CDH22: variants seen among roughly 807,000 people sequenced by gnomAD.
CDH22 encodes cadherin 22, also known as cadherin-22.
CDH22 carries 30 observed loss-of-function variants against 58.4 expected under a neutral mutation model. The ratio of observed to expected loss-of-function variants is 0.51; its 90% CI spans 0.38 to 0.70. The LOEUF (loss-of-function observed/expected upper bound fraction) is 0.70. CDH22 is among the 30% of genes least tolerant of loss of function. The pLI is 0.00. For synonymous variants in CDH22, 513 were observed against 558.2 expected (o/e 0.92, Z 1.14); for missense variants, 1,014 against 1,233.9 (o/e 0.82, Z 2.67).
intron 1 of CDH22, among the ~76,000 whole-genome samples, chr20:46,307,422 A>G (rs948670117): frequency 5.9e-5 from 9 of 152,056 alleles, no homozygotes; most frequent in African/African-American, 2.2e-4. Context: ...CTTCACAGTA[A>G]ACGCCGCGGC....
chr20:46,215,275 C>G (rs528617249), intron 5 of CDH22, among the ~76,000 whole-genome samples: 1 of 152,184 alleles, frequency 6.6e-6, no homozygotes, highest in African/African-American at 2.4e-5. Flanking sequence ...TGTCCACCAC[C>G]CCCAGAATAG....
intron 1 of CDH22, among the ~76,000 whole-genome samples, chr20:46,306,407 G>A (rs1237768343): frequency 6.6e-6 from 1 of 152,390 alleles, no homozygotes; most frequent in Admixed American, 6.5e-5. Context: ...AATAGGGAAA[G>A]GGGTTGTCTC....
chr20:46,297,565 G>T (rs905612205), intron 1 of CDH22, among the ~76,000 whole-genome samples: 9 of 151,654 alleles, frequency 5.9e-5, no homozygotes, highest in South Asian at 4.2e-4. Context: ...AGAGACGGGC[G>T]CTCTGTGGGA....
At chr20:46,249,627 C>G (rs3091897) in intron 2 of CDH22, among the ~76,000 whole-genome samples, 60,128 of 151,982 alleles carry the variant, frequency 0.4, 12,175 homozygotes, top group Middle Eastern at 0.64. Flanking sequence ...CCGGTTCCCA[C>G]ACTCATTTAA....
In CDH22 at chr20:46,243,404, C is replaced by T. The variant is rs369757695; in HGVS notation, c.256-2147G>A. Among the ~76,000 whole-genome samples, 49 of 152,178 alleles carry T rather than the reference C, an allele frequency of 3.2e-4. 1 individual carries two copies. Among genetic ancestry groups the T allele is most frequent in the Non-Finnish European group, 5.9e-5 (4 of 68,034 alleles). On this transcript the variant is annotated intron_variant, in intron 2 of 11. Coordinates refer to ENST00000537909, the MANE Select transcript of CDH22 (RefSeq NM_021248.3). ...AGAAATTGCGGGGACTAAATGGAGG[C>T]GTCTGGTGGAAACTTTCCGGGTCCC...
In CDH22 at chr20:46,251,403, G is replaced by A; in HGVS notation, c.-109C>T. The stretch of plus-strand genomic sequence containing the variant: ...CCGTGTCACATGGTGGCCTCAGCGC[G>A]GCCGCCGGGATGTCGCCCCCGACGG... On this transcript the variant is annotated 5_prime_UTR_variant, in exon 2 of 12. Coordinates refer to ENST00000537909, the MANE Select transcript of CDH22 (RefSeq NM_021248.3). This position sits in a 1 kb window ranked among gnomAD's most constrained non-coding sequence, Gnocchi z 6.7. The A allele has an allele frequency of 1.6e-6, 2 of 1,262,658 alleles. No individual in the cohort carries two copies. Among genetic ancestry groups the A allele is most frequent in the South Asian group, 2.1e-5 (1 of 46,948 alleles). 78.2% of individuals were successfully genotyped at this position (1,262,658 alleles called of 1,614,324 possible).
At position 46,174,489 on chromosome 20, in the gene CDH22, G is replaced by A. The variant is rs745508542; in HGVS notation, c.*17C>T. Reference sequence around the variant, plus strand: ...CTGGGCGGGTGAGCAGCCGCGCCCCGACGGCAGGGCGAGGGGCTAGGAGGC... The same window carrying A: ...CTGGGCGGGTGAGCAGCCGCGCCCCAACGGCAGGGCGAGGGGCTAGGAGGC... On this transcript the variant is annotated 3_prime_UTR_variant, in exon 12 of 12. Coordinates refer to ENST00000537909, the MANE Select transcript of CDH22 (RefSeq NM_021248.3). This position sits in a 1 kb window ranked among gnomAD's most constrained non-coding sequence, Gnocchi z 4.4. 2.1e-6 allele frequency: 3 copies of A among 1,454,326 alleles called. No homozygotes were observed. The South Asian group carries it at 4.0e-5, about 20-fold the overall frequency. 90.1% of individuals were successfully genotyped at this position (1,454,326 alleles called of 1,614,324 possible).
intron 4 of CDH22, among the ~76,000 whole-genome samples, chr20:46,223,335 A>T (rs1316782096): frequency 6.6e-6 from 1 of 151,982 alleles, no homozygotes; most frequent in Non-Finnish European, 1.5e-5. Flanking sequence ...CCCAAGACTC[A>T]GTCTTGGCCC....
chr20:46,210,695 C>G lies in CDH22; in HGVS notation c.1033-135G>C. The G allele has an allele frequency of 3.7e-6, 3 of 810,864 alleles. No homozygotes were observed. The highest frequency in any genetic ancestry group is 3.5e-6 in the Non-Finnish European group (2 of 571,686). 50.2% of individuals were successfully genotyped at this position (810,864 alleles called of 1,614,324 possible). A position where few individuals can be genotyped will look rare whatever the true frequency, so the allele number is the denominator to read the frequency against. ...AGCAGGGGCGGCAGGGATGTTTGGG[C>G]TGCATTGCAGAACTGACCCAGACCA... On this transcript the variant is annotated intron_variant, in intron 6 of 11. Coordinates refer to ENST00000537909, the MANE Select transcript of CDH22 (RefSeq NM_021248.3). This position sits in a 1 kb window ranked among gnomAD's most constrained non-coding sequence, Gnocchi z 4.5.
rs749218264 is a variant in CDH22 at position 46,199,564 on chromosome 20, G to A, written c.1287-5C>T. The A allele has an allele frequency of 3.1e-6, 5 of 1,612,858 alleles. No individual in the cohort carries two copies. In the Admixed American group the frequency reaches 8.3e-5, roughly 27 times the overall value. On this transcript the variant is annotated splice_region_variant and splice_polypyrimidine_tract_variant and intron_variant, in intron 7 of 11. Coordinates refer to ENST00000537909, the MANE Select transcript of CDH22 (RefSeq NM_021248.3). ...GATTCGCGGTCAATGGCGTACCTGC[G>A]GGGGGCAGGGCAGGGCTGATTGAAG...
chr20:46,302,872 T>G (rs1335031174), intron 1 of CDH22, among the ~76,000 whole-genome samples: 2 of 152,118 alleles, frequency 1.3e-5, no homozygotes, highest in African/African-American at 4.8e-5. Context: ...TGGGAACTCC[T>G]TCTCTCCCCC....
At chr20:46,228,754 A>G (rs1204553375) in intron 3 of CDH22, among the ~76,000 whole-genome samples, 1 of 152,136 alleles carries the variant, frequency 6.6e-6, no homozygotes, top group African/African-American at 2.4e-5. Flanking sequence ...TGGTGGGGCC[A>G]GGCAGGCCCC....
chr20:46,233,253 C>A lies in CDH22; in HGVS notation c.551-5626G>T, dbSNP rs541530452. Reference sequence around the variant, plus strand: ...AACGTGAAACACCCTCCCCTCCTCACCTTTTCTTTCCTTATGGATCCCGGC... The same window carrying A: ...AACGTGAAACACCCTCCCCTCCTCAACTTTTCTTTCCTTATGGATCCCGGC... On this transcript the variant is annotated intron_variant, in intron 3 of 11. Transcript: ENST00000537909. Among the ~76,000 whole-genome samples the A allele has an allele frequency of 1.5e-4, 23 of 152,294 alleles. No individual in the cohort carries two copies. The South Asian group carries it at 2.1e-3, about 14-fold the overall frequency.
At chr20:46,185,710 A>G (rs2145653636) in intron 10 of CDH22, among the ~76,000 whole-genome samples, 1 of 152,192 alleles carries the variant, frequency 6.6e-6, no homozygotes, top group South Asian at 2.1e-4. Flanking sequence ...TCTACAAAAA[A>G]TAAAACAATT....
At chr20:46,181,962 G>A (rs1227417440) in intron 10 of CDH22, among the ~76,000 whole-genome samples, 4 of 151,340 alleles carry the variant, frequency 2.6e-5, no homozygotes, top group Admixed American at 6.6e-5. Flanking sequence ...GATTACAGGC[G>A]TCTGCCACCA....
intron 8 of CDH22, among the ~76,000 whole-genome samples, chr20:46,196,015 T>C (rs1274084000): frequency 1.7e-4 from 26 of 152,162 alleles, no homozygotes; most frequent in Admixed American, 1.6e-3. Context: ...CCTTCTGTTT[T>C]TGAGGAAGCC....
At chr20:46,236,587 A>G (rs566646494) in intron 3 of CDH22, among the ~76,000 whole-genome samples, 2 of 142,800 alleles carry the variant, frequency 1.4e-5, no homozygotes, top group East Asian at 3.9e-4. Flanking sequence ...TATAAATATA[A>G]TATATAATAT....
chr20:46,253,904 G>A (rs981408057), intron 1 of CDH22, among the ~76,000 whole-genome samples: 1 of 152,166 alleles, frequency 6.6e-6, no homozygotes, highest in African/African-American at 2.4e-5. Flanking sequence ...GGGGAGATCT[G>A]CCAGTGTTCA....
chr20:46,217,059 G>C, intron 4 of CDH22, 66 bp from the exon 5 acceptor site: 1 of 1,488,528 alleles, frequency 6.7e-7, no homozygotes, highest in Non-Finnish European at 9.1e-7. Flanking sequence ...GGAGACCCCT[G>C]TACAGGCGGG....
Sources: allele counts gnomAD v4.1 joint callset (sites outside exome capture counted in the v4.1 genomes callset), GRCh38; gene constraint gnomAD v4.1.1; non-coding constraint Gnocchi (gnomAD v3.1); transcripts MANE v1.5; gene names NCBI Gene and HGNC (gene_info 2026-07-23, HGNC 2026-07-21).